DNAH14: variants seen among roughly 807,000 people sequenced by gnomAD.
DNAH14 encodes axonemal beta dynein heavy chain 14.
A neutral mutation model predicts 520.9 loss-of-function variants in DNAH14; 478 were observed. That is an observed-to-expected ratio of 0.92 (90% CI 0.85 to 0.99). The LOEUF is 0.99. DNAH14 is among the 50% of genes least tolerant of loss of function. DNAH14 has a pLI of 0.00. For missense variants in DNAH14, 4,831 were observed against 5,234.5 expected (o/e 0.92, Z 2.38); for synonymous variants, 1,581 against 1,757.2 (o/e 0.90, Z 2.51).
At chr1:225,088,063 T>G (rs1358571885) in intron 21 of DNAH14, among the ~76,000 whole-genome samples, 1 of 152,168 alleles carries the variant, frequency 6.6e-6, no homozygotes, top group African/African-American at 2.4e-5. Context: ...AAACTGTAAG[T>G]GATTTAACTG....
intron 46 of DNAH14, among the ~76,000 whole-genome samples, chr1:225,262,187 T>TG (rs762267837): frequency 4.7e-5 from 7 of 149,724 alleles, no homozygotes; most frequent in Non-Finnish European, 8.9e-5. Flanking sequence ...TGCCTTTTAA[T>TG]GGGTTTTTTT....
chr1:224,945,605 C>T (rs569772031), intron 1 of DNAH14, among the ~76,000 whole-genome samples: 1 of 152,332 alleles, frequency 6.6e-6, no homozygotes, highest in South Asian at 2.1e-4. Context: ...TCTGTTTTTT[C>T]CCCATCTTTG....
At chr1:225,010,122 C>G (rs1486058336) in intron 10 of DNAH14, among the ~76,000 whole-genome samples, 1 of 152,094 alleles carries the variant, frequency 6.6e-6, no homozygotes, top group African/African-American at 2.4e-5. Flanking sequence ...CCAGAACTTC[C>G]AATATTATGT....
chr1:224,935,081 T>C (rs2058941463), intron 1 of DNAH14, among the ~76,000 whole-genome samples: 1 of 151,754 alleles, frequency 6.6e-6, no homozygotes, highest in Non-Finnish European at 1.5e-5. Context: ...TAAAACTCAG[T>C]GGTAAAGCAA....
At chr1:225,360,538 C>G (rs999137229) in intron 74 of DNAH14, 143 bp from the exon 75 acceptor site, 1 of 780,124 alleles carries the variant, frequency 1.3e-6, no homozygotes, top group Non-Finnish European at 2.0e-6. Context: ...AATTTAAACT[C>G]TGGGCTCTAA....
chr1:225,016,902 T>C (rs901209142), intron 10 of DNAH14, among the ~76,000 whole-genome samples: 1 of 152,038 alleles, frequency 6.6e-6, no homozygotes, highest in African/African-American at 2.4e-5. Flanking sequence ...GGTTCTTTTC[T>C]ATGATATATA....
chr1:225,177,203 T>G (rs1326951261), intron 36 of DNAH14, among the ~76,000 whole-genome samples: 1 of 152,226 alleles, frequency 6.6e-6, no homozygotes, highest in Non-Finnish European at 1.5e-5. Context: ...ATTTTGCCCC[T>G]GCCCTAGAGA....
chr1:224,986,918 T>C (rs1382631528), intron 8 of DNAH14, among the ~76,000 whole-genome samples: 5 of 152,208 alleles, frequency 3.3e-5, no homozygotes, highest in Non-Finnish European at 7.3e-5. Flanking sequence ...TATGATCTTG[T>C]ATTTGGAAAA....
At chr1:225,119,576 TATCAGAA>T (rs1201456957) in intron 26 of DNAH14, among the ~76,000 whole-genome samples, 1 of 152,238 alleles carries the variant, frequency 6.6e-6, no homozygotes, top group African/African-American at 2.4e-5. Context: ...GATTCAGCTG[TATCAGAA>T]AACTGTTCAG....
chr1:225,263,516 C>G lies in DNAH14; in HGVS notation c.7158-681C>G, dbSNP rs149700410. ...GCCCTGCACTACATCTAATATTCTA[C>G]TAGTCATGTCTGTTCTATCTTCACA... On this transcript the variant is annotated intron_variant, in intron 46 of 85. Transcript: ENST00000682510. 7.7e-3 allele frequency among the ~76,000 whole-genome samples: 1,166 copies of G among 151,968 alleles called. 10 individuals carry two copies. The highest frequency in any genetic ancestry group is 0.011 in the Non-Finnish European group (741 of 67,840).
intron 46 of DNAH14, 117 bp downstream of exon 46, chr1:225,259,370 CA>C (rs1034211105): frequency 1.4e-6 from 1 of 719,428 alleles, no homozygotes; most frequent in Non-Finnish European, 2.0e-6. Flanking sequence ...CAGAATCATT[CA>C]AAAGAGGAGA....
At chr1:225,084,590 G>A (rs958920107) in intron 20 of DNAH14, among the ~76,000 whole-genome samples, 2 of 151,924 alleles carry the variant, frequency 1.3e-5, no homozygotes, top group Admixed American at 1.3e-4. Flanking sequence ...AAGAGCAAGA[G>A]CTCAATGGTA....
chr1:225,342,748 C>G (rs2095216116), intron 69 of DNAH14, among the ~76,000 whole-genome samples: 1 of 151,766 alleles, frequency 6.6e-6, no homozygotes, highest in East Asian at 1.9e-4. Context: ...TTCACTTACC[C>G]TTCTATCTGC....
chr1:225,388,419 T>C lies in DNAH14; in HGVS notation c.13118T>C (p.Ile4373Thr), dbSNP rs980433471. 4 of 1,535,644 alleles carry C rather than the reference T, an allele frequency of 2.6e-6. No homozygotes were observed. Among genetic ancestry groups the C allele is most frequent in the Non-Finnish European group, 2.6e-6 (3 of 1,134,068 alleles). Residue 4373 changes from isoleucine (I) to threonine (T), a missense_variant, in exon 82 of 86, where the codon ATT becomes ACT. Coordinates refer to ENST00000682510, the MANE Select transcript of DNAH14 (RefSeq NM_001367479.1). ...YRSCKPLSSW[I>T]DDLIQRLNFF... Reference sequence around the variant, plus strand: ...TCTTGTAAGCCACTGAGTTCCTGGATTGATGATCTCATCCAGCGACTGAAT... The same window carrying C: ...TCTTGTAAGCCACTGAGTTCCTGGACTGATGATCTCATCCAGCGACTGAAT...
Position 224,991,084 on chromosome 1 carries a change from C to CATTTTTTTTTTTTTT in DNAH14, c.831-11699_831-11698insATTTTTTTTTTTTTT, listed in dbSNP as rs1558617220. Among the ~76,000 whole-genome samples the CATTTTTTTTTTTTTT allele has an allele frequency of 2.6e-5, 2 of 77,900 alleles. 1 individual carries two copies. Among genetic ancestry groups the CATTTTTTTTTTTTTT allele is most frequent in the African/African-American group, 8.6e-5 (2 of 23,386 alleles). The allele number at this position is 77,900 out of a possible 152,430, so 51.1% of individuals were successfully genotyped here. A position where few individuals can be genotyped will look rare whatever the true frequency, so the allele number is the denominator to read the frequency against. On this transcript the variant is annotated intron_variant, in intron 8 of 85. Transcript: ENST00000682510. ...TTCCCTAATGATTAGTGATGTTGAG[C>CATTTTTTTTTTTTTT]TTTTTTTTTTTTTTTTTTTTTTTTT... is the stretch of plus-strand genomic sequence containing the variant.
chr1:225,193,885 G>A (rs148258051), intron 38 of DNAH14, among the ~76,000 whole-genome samples: 1 of 152,186 alleles, frequency 6.6e-6, no homozygotes, highest in African/African-American at 2.4e-5. Context: ...AAAATTAGTA[G>A]CACTTCTATA....
chr1:225,288,402 A>T (rs1039212721), intron 54 of DNAH14, among the ~76,000 whole-genome samples: 4 of 152,156 alleles, frequency 2.6e-5, no homozygotes, highest in African/African-American at 9.7e-5. Flanking sequence ...GTAATATAGT[A>T]TCCTGGAAGA....
At chr1:225,342,918 A>C (rs2095220931) in intron 69 of DNAH14, among the ~76,000 whole-genome samples, 1 of 150,048 alleles carries the variant, frequency 6.7e-6, no homozygotes, top group African/African-American at 2.5e-5. Flanking sequence ...AGGTGCTACT[A>C]GGTGGTAGCC....
chr1:225,217,498 AG>A (rs1222107992), intron 41 of DNAH14, among the ~76,000 whole-genome samples: 1 of 152,174 alleles, frequency 6.6e-6, no homozygotes. Flanking sequence ...CTGCCCCCAG[AG>A]GTGGAATCTG....
Sources: gnomAD v4.1 joint callset for allele counts (sites outside exome capture counted in the v4.1 genomes callset) on GRCh38, gnomAD v4.1.1 for gene constraint, MANE v1.5 for transcripts, NCBI Gene and HGNC (gene_info 2026-07-23, HGNC 2026-07-21) for gene names.